VPS13B: variants seen among roughly 807,000 people sequenced by gnomAD.
VPS13B encodes the protein intermembrane lipid transfer protein VPS13B.
A neutral mutation model predicts 426.4 loss-of-function variants in VPS13B; 285 were observed. That is an observed-to-expected ratio of 0.67 (90% confidence interval 0.61 to 0.74). VPS13B has a LOEUF of 0.74. Among genes scored for constraint, VPS13B ranks in the 30% least tolerant of loss-of-function variants. The probability of loss-of-function intolerance (pLI) is 0.00; values close to 1 mark genes in which losing one functional copy is unlikely to be tolerated. For synonymous variants in VPS13B, 1,676 were observed against 1,676.4 expected, an observed-to-expected ratio of 1.00 and a Z score of 0.01; for missense variants, 4,537 against 4,782.6, an observed-to-expected ratio of 0.95 and a Z score of 1.51.
rs776600965 is a variant in VPS13B, at chr8:99,556,589, G to A, written c.4885G>A (p.Gly1629Arg). The change falls in exon 31 of 62, where the codon GGG (glycine) becomes AGG (arginine). Residue 1629 changes from glycine to arginine, a missense_variant. Gly to Arg is a moderately radical substitution (Grantham distance 125). Around this residue, in one of 2 missense-constraint regions of VPS13B, gnomAD observed 4,311 missense variants for 4,474.3 expected, o/e 0.96. Coordinates refer to ENST00000357162, the MANE Select transcript of VPS13B (RefSeq NM_152564.5). ...ACCAGAGAAGGAAAGTGTCTCAGGAGGGGTGGTAACAGAGACTGAAAGGAA... is the reference window on the plus strand; with the variant it reads ...ACCAGAGAAGGAAAGTGTCTCAGGAAGGGTGGTAACAGAGACTGAAAGGAA... ...LKPEKESVSGGVVTETERNSQ... is the reference protein window; with the variant it reads ...LKPEKESVSGRVVTETERNSQ... The A allele has an allele frequency of 2.3e-5, 37 of 1,613,086 alleles. No individual in the cohort carries two copies. Among genetic ancestry groups the A allele is most frequent in the Non-Finnish European group, 3.1e-5 (36 of 1,179,492 alleles).
chr8:99,254,610 T>C (rs983320379), intron 17 of VPS13B, among the ~76,000 whole-genome samples: 5 of 151,506 alleles, frequency 3.3e-5, no homozygotes, highest in Admixed American at 3.3e-4. Flanking sequence ...TTTAAATTAA[T>C]TAATTTTTAA....
chr8:99,311,746 ATCTG>A (rs1311755222), intron 19 of VPS13B, among the ~76,000 whole-genome samples: 1 of 152,062 alleles, frequency 6.6e-6, no homozygotes, highest in Admixed American at 6.6e-5. Context: ...TGTCTCATTG[ATCTG>A]TCTAATGTTG....
intron 15 of VPS13B, among the ~76,000 whole-genome samples, chr8:99,158,096 A>C (rs984803674): frequency 3.3e-5 from 5 of 152,240 alleles, no homozygotes; most frequent in African/African-American, 1.2e-4. Context: ...AAACTAGAGC[A>C]GGTTATCCAT....
At chr8:99,707,435 A>G (rs956764300) in intron 36 of VPS13B, among the ~76,000 whole-genome samples, 5 of 152,208 alleles carry the variant, frequency 3.3e-5, no homozygotes, top group Non-Finnish European at 7.3e-5. Flanking sequence ...CCACATGAAT[A>G]TGGAGGTCAT....
chr8:99,337,307 G>T (rs1424942919), intron 19 of VPS13B, among the ~76,000 whole-genome samples: 1 of 146,824 alleles, frequency 6.8e-6, no homozygotes, highest in Non-Finnish European at 1.5e-5. Context: ...GGTGGGAATT[G>T]AACAATGAGA....
intron 17 of VPS13B, chr8:99,209,565 A>ATT: frequency 3.7e-6 from 1 of 266,990 alleles, no homozygotes; most frequent in African/African-American, 2.3e-5. Flanking sequence ...TTTTAATAAC[A>ATT]ATTTTTTTTT....
intron 35 of VPS13B, among the ~76,000 whole-genome samples, chr8:99,679,730 C>T (rs1831081257): frequency 6.6e-6 from 1 of 152,176 alleles, no homozygotes; most frequent in Non-Finnish European, 1.5e-5. Context: ...TCAATGAAAG[C>T]ACATTAATCT....
intron 35 of VPS13B, among the ~76,000 whole-genome samples, chr8:99,669,184 C>T (rs1430090055): frequency 6.6e-6 from 1 of 152,118 alleles, no homozygotes; most frequent in African/African-American, 2.4e-5. Context: ...GGTATGACAT[C>T]ATACAGAAAT....
chr8:99,205,400 T>A (rs1053874502), intron 17 of VPS13B, among the ~76,000 whole-genome samples: 30 of 152,286 alleles, frequency 2.0e-4, no homozygotes, highest in Non-Finnish European at 3.7e-4. Flanking sequence ...AAATATCTAA[T>A]GTAGATGACG....
intron 35 of VPS13B, among the ~76,000 whole-genome samples, chr8:99,689,750 G>A (rs1831571315): frequency 6.6e-6 from 1 of 152,108 alleles, no homozygotes; most frequent in Admixed American, 6.5e-5. Flanking sequence ...TATGAGGGTA[G>A]CAATCAGCAG....
At chr8:99,669,113 C>T (rs1384340518) in intron 35 of VPS13B, among the ~76,000 whole-genome samples, 4 of 152,128 alleles carry the variant, frequency 2.6e-5, no homozygotes. Context: ...AGATCAGATA[C>T]GTCTTATATT....
chr8:99,418,472 TTTC>T, intron 21 of VPS13B, among the ~76,000 whole-genome samples: 1 of 139,146 alleles, frequency 7.2e-6, no homozygotes, highest in Non-Finnish European at 1.5e-5. Flanking sequence ...TCTTTCTTTC[TTTC>T]TTTCTTTCTT....
intron 2 of VPS13B, among the ~76,000 whole-genome samples, chr8:99,038,008 T>C (rs752191188): frequency 1.3e-5 from 2 of 152,124 alleles, no homozygotes; most frequent in Non-Finnish European, 2.9e-5. Context: ...TTTCAGTTAT[T>C]TGAAGTACTG....
At chr8:99,470,099 G>A (rs909086396) in intron 24 of VPS13B, among the ~76,000 whole-genome samples, 2 of 152,120 alleles carry the variant, frequency 1.3e-5, no homozygotes, top group African/African-American at 4.8e-5. Flanking sequence ...TTAAGCCACC[G>A]AGTTTATGGT....
At position 99,557,716 on chromosome 8, in the gene VPS13B, C is replaced by T. The variant is rs79452863; in HGVS notation, c.4949+1063C>T. Among the ~76,000 whole-genome samples the T allele has an allele frequency of 2.5e-3, 379 of 152,186 alleles. 1 individual carries two copies. The highest frequency in any genetic ancestry group is 0.014 in the Middle Eastern group (4 of 292). On this transcript the variant is annotated intron_variant, in intron 31 of 61. Coordinates refer to ENST00000357162, the MANE Select transcript of VPS13B (RefSeq NM_152564.5). ...CTACTTTTAGTTCTTTAAGAAATCT[C>T]GTAGAGAACATTTTTAAAGGAAGTA...
intron 2 of VPS13B, among the ~76,000 whole-genome samples, chr8:99,028,307 C>A (rs912744078): frequency 2.6e-5 from 4 of 151,216 alleles, no homozygotes; most frequent in Non-Finnish European, 4.4e-5. Context: ...AGGTGCCCCT[C>A]ACCTCCCGGA....
chr8:99,303,048 A>G (rs1225513928), intron 19 of VPS13B, among the ~76,000 whole-genome samples: 1 of 151,928 alleles, frequency 6.6e-6, no homozygotes, highest in African/African-American at 2.4e-5. Context: ...TGGGAGGCCA[A>G]GGCGGGCGGA....
chr8:99,413,630 GT>G (rs1815821894), intron 21 of VPS13B, among the ~76,000 whole-genome samples: 1 of 152,064 alleles, frequency 6.6e-6, no homozygotes. Flanking sequence ...GGTACATTGT[GT>G]CTTAGTTCTC....
At chr8:99,339,050 T>G (rs1476158335) in intron 19 of VPS13B, among the ~76,000 whole-genome samples, 1 of 152,230 alleles carries the variant, frequency 6.6e-6, no homozygotes. Context: ...TTAGAGATTA[T>G]TATTCCTGTG....
Sources: allele counts gnomAD v4.1 joint callset (sites outside exome capture counted in the v4.1 genomes callset), GRCh38; gene constraint gnomAD v4.1.1; regional missense constraint gnomAD v4.1.1; transcripts MANE v1.5; gene names NCBI Gene and HGNC (gene_info 2026-07-23, HGNC 2026-07-21).